MYH10: variants seen among roughly 807,000 people sequenced by gnomAD.
The protein encoded by MYH10 is myosin-10.
Under a neutral mutation model 257.8 loss-of-function variants are expected in MYH10, and 55 were observed. That is an observed-to-expected ratio of 0.21 (90% CI 0.17 to 0.27). The LOEUF (loss-of-function observed/expected upper bound fraction) is 0.27. Ranked by LOEUF, MYH10 falls within the 10% of genes least tolerant of loss-of-function variation. The pLI is 1.00. For synonymous variants in MYH10, 854 were observed against 921.7 expected, an observed-to-expected ratio of 0.93 and a Z score of 1.33; for missense variants, 1,631 against 2,500.6, an observed-to-expected ratio of 0.65 and a Z score of 7.42.
In MYH10 at chr17:8,535,404, G is replaced by C; in HGVS notation, c.1877C>G (p.Ala626Gly). The C allele has an allele frequency of 6.2e-7, 1 of 1,613,548 alleles. No homozygotes were observed. The highest frequency in any genetic ancestry group is 8.5e-7 in the Non-Finnish European group (1 of 1,179,688). ...LLHQSSDRFV[A>G]ELWKDEIQNI... Reference sequence around the variant, plus strand: ...TTTCTTACCATCTTTCCAAAGCTCTGCCACAAATCTGTCTGATGACTGGTG... The same window carrying C: ...TTTCTTACCATCTTTCCAAAGCTCTCCCACAAATCTGTCTGATGACTGGTG... The change falls in exon 16 of 43, where the codon GCA becomes GGA. Residue 626 changes from alanine to glycine, a missense_variant. Physicochemically the swap from Ala to Gly is moderately conservative, Grantham distance 60 (BLOSUM62 0). Transcript: ENST00000360416. This position sits in a 1 kb window ranked among gnomAD's most constrained non-coding sequence, Gnocchi z 4.3.
At position 8,493,014 on chromosome 17, in the gene MYH10, G is replaced by A. The variant is rs144905748; in HGVS notation, c.4220C>T (p.Thr1407Ile). The change falls in exon 33 of 43, where the codon ACC becomes ATC. Residue 1407 changes from threonine to isoleucine, a missense_variant. By Grantham distance (89) the Thr-to-Ile change is moderately conservative. Around this residue, in one of 11 missense-constraint regions of MYH10, gnomAD observed 463 missense variants for 621.8 expected, o/e 0.74. Coordinates refer to ENST00000360416, the MANE Select transcript of MYH10 (RefSeq NM_001256012.3). ...CAGGTCGTCATCTACTTTCTTCTTG[G>A]TATCAGCCAACTAGGTTTTGTGTAC... is the stretch of plus-strand genomic sequence containing the variant. Reference protein sequence around the residue: ...VLALQSQLADTKKKVDDDLGT... With the variant: ...VLALQSQLADIKKKVDDDLGT... 112 of 1,613,080 alleles carry A rather than the reference G, an allele frequency of 6.9e-5. No homozygotes were observed. The East Asian group carries it at 2.5e-3, about 36-fold the overall frequency.
intron 17 of MYH10, among the ~76,000 whole-genome samples, chr17:8,524,364 T>A (rs771700806): frequency 1.4e-5 from 2 of 144,454 alleles, no homozygotes; most frequent in Non-Finnish European, 3.0e-5. Flanking sequence ...GCAGGAGAAT[T>A]GCCTGAACTC....
At chr17:8,624,175 C>T (rs1435779888) in intron 1 of MYH10, among the ~76,000 whole-genome samples, 1 of 152,172 alleles carries the variant, frequency 6.6e-6, no homozygotes, top group Non-Finnish European at 1.5e-5. Flanking sequence ...ATCTCAAGAC[C>T]TAGTTGTTTT....
At chr17:8,539,358 T>G (rs935472829) in intron 14 of MYH10, among the ~76,000 whole-genome samples, 8 of 152,190 alleles carry the variant, frequency 5.3e-5, no homozygotes, top group African/African-American at 1.9e-4. Context: ...CATCCACGCC[T>G]GTAATACCTT....
chr17:8,476,734 A>C, intron 42 of MYH10, 142 bp downstream of exon 42: 1 of 977,084 alleles, frequency 1.0e-6, no homozygotes, highest in Non-Finnish European at 1.5e-6. Context: ...TAAAGGTCAG[A>C]AATCTTAAAT....
chr17:8,565,899 T>A (rs1289715910), intron 7 of MYH10, among the ~76,000 whole-genome samples: 1 of 152,258 alleles, frequency 6.6e-6, no homozygotes, highest in African/African-American at 2.4e-5. Flanking sequence ...AATAGACTCA[T>A]GTATTACTTT....
chr17:8,608,935 C>T (rs1167097458), intron 2 of MYH10, among the ~76,000 whole-genome samples: 1 of 152,138 alleles, frequency 6.6e-6, no homozygotes, highest in East Asian at 1.9e-4. Flanking sequence ...ATCAGCCTTC[C>T]GCGTAGCTGG....
At chr17:8,486,543 CAAAAAAAAAAAAAAAAAAAAA>C (rs67844660) in intron 36 of MYH10, among the ~76,000 whole-genome samples, 7 of 120,732 alleles carry the variant, frequency 5.8e-5, no homozygotes, top group African/African-American at 1.0e-4. Context: ...TATTTAGCTT[CAAAAAAAAAAAAAAAAAAAAA>C]AAAAAAAAAA....
At position 8,476,400 on chromosome 17, in the gene MYH10, C is replaced by T. The variant is rs11870119; in HGVS notation, c.5880-452G>A. The stretch of plus-strand genomic sequence containing the variant: ...GTATGCACCAAATCTGCCCATTGGC[C>T]AGATGTGCTGAAACCTCCGCCGACC... On this transcript the variant is annotated intron_variant, in intron 42 of 42. Coordinates refer to ENST00000360416, the MANE Select transcript of MYH10 (RefSeq NM_001256012.3). Among the ~76,000 whole-genome samples, 1,331 of 152,308 alleles carry T rather than the reference C, an allele frequency of 8.7e-3. 21 individuals are homozygous for T. Among genetic ancestry groups the T allele is most frequent in the African/African-American group, 0.03 (1,239 of 41,556 alleles).
chr17:8,492,464 G>A lies in MYH10; in HGVS notation c.4504C>T (p.Arg1502Trp), dbSNP rs779314247. 7 of 1,612,208 alleles carry A rather than the reference G, an allele frequency of 4.3e-6. No individual in the cohort carries two copies. Among genetic ancestry groups the A allele is most frequent in the African/African-American group, 1.3e-5 (1 of 74,912 alleles). ...KSISARYAEE[R>W]DRAEAEAREK... ...CTGGCCTCGGCTTCGGCCCGGTCCC[G>A]CTCTTCGGCATAGCGAGCAGAGATG... Residue 1502 changes from arginine (R) to tryptophan (W), a missense_variant, in exon 34 of 43, where the codon CGG becomes TGG. Arg to Trp is a moderately radical substitution (Grantham distance 101, BLOSUM62 -3). Around this residue, in one of 11 missense-constraint regions of MYH10, gnomAD observed 463 missense variants for 621.8 expected, o/e 0.74. Coordinates refer to ENST00000360416, the MANE Select transcript of MYH10 (RefSeq NM_001256012.3).
chr17:8,577,904 G>C (rs1245288660), intron 4 of MYH10, among the ~76,000 whole-genome samples: 1 of 152,104 alleles, frequency 6.6e-6, no homozygotes, highest in Non-Finnish European at 1.5e-5. Flanking sequence ...TTTTCCCTTG[G>C]GGGTGGGGGG....
chr17:8,530,567 T>C, intron 17 of MYH10, 56 bp downstream of exon 17: 1 of 1,306,044 alleles, frequency 7.7e-7, no homozygotes, highest in Non-Finnish European at 1.0e-6. Context: ...CACACGTTTT[T>C]CCTGTGGGCT....
intron 23 of MYH10, 32 bp downstream of exon 23, chr17:8,513,505 GC>G (rs1323047572): frequency 6.2e-7 from 1 of 1,612,168 alleles, no homozygotes; most frequent in Non-Finnish European, 8.5e-7. Context: ...GGGATTCAGG[GC>G]CAAGTGTGAG....
At chr17:8,480,777 C>T (rs1317782395) in intron 38 of MYH10, among the ~76,000 whole-genome samples, 1 of 152,108 alleles carries the variant, frequency 6.6e-6, no homozygotes, top group Non-Finnish European at 1.5e-5. Flanking sequence ...CCTCCCGCTG[C>T]CCTGCCTGCC....
intron 2 of MYH10, among the ~76,000 whole-genome samples, chr17:8,617,013 G>T (rs1409774727): frequency 6.6e-6 from 1 of 151,840 alleles, no homozygotes; most frequent in African/African-American, 2.4e-5. Context: ...AGTGGAGAAA[G>T]GATTATGTTT....
intron 2 of MYH10, among the ~76,000 whole-genome samples, chr17:8,610,439 AT>A (rs971429347): frequency 1.3e-5 from 2 of 151,708 alleles, no homozygotes; most frequent in African/African-American, 4.8e-5. Flanking sequence ...GCAAAAAAAA[AT>A]AAAAAATAAA....
intron 26 of MYH10, among the ~76,000 whole-genome samples, chr17:8,508,101 G>C (rs1443750797): frequency 6.6e-6 from 1 of 152,164 alleles, no homozygotes; most frequent in Non-Finnish European, 1.5e-5. Flanking sequence ...CTGTAGTGCG[G>C]TTGCATGATC....
intron 1 of MYH10, among the ~76,000 whole-genome samples, chr17:8,626,188 TAACA>T (rs1167660113): frequency 6.6e-6 from 1 of 152,216 alleles, no homozygotes; most frequent in South Asian, 2.1e-4. Flanking sequence ...ACATTCTGCA[TAACA>T]GTTTTAAAAG....
intron 6 of MYH10, among the ~76,000 whole-genome samples, chr17:8,573,254 C>T (rs913940287): frequency 2.0e-5 from 3 of 152,144 alleles, no homozygotes; most frequent in African/African-American, 2.4e-5. Flanking sequence ...CAGTTCAGCC[C>T]GCAAGGGGAC....
Sources: gnomAD v4.1 joint callset for allele counts (sites outside exome capture counted in the v4.1 genomes callset) on GRCh38, gnomAD v4.1.1 for gene constraint, gnomAD v4.1.1 regional missense constraint, Gnocchi (gnomAD v3.1) non-coding constraint, MANE v1.5 for transcripts, NCBI Gene and HGNC (gene_info 2026-07-23, HGNC 2026-07-21) for gene names.